Variants in BCAS3 observed in about 807,000 individuals in gnomAD.
BCAS3 encodes BCAS4/BCAS3 fusion.
BCAS3 carries 53 observed loss-of-function variants against 116.1 expected under a neutral mutation model. The ratio of observed to expected loss-of-function variants is 0.46; its 90% CI spans 0.37 to 0.57. The LOEUF (loss-of-function observed/expected upper bound fraction) is 0.57. Among genes scored for constraint, BCAS3 ranks in the 20% least tolerant of loss-of-function variants. The pLI, the probability that BCAS3 is intolerant of heterozygous loss-of-function variation, is 0.00. For missense variants in BCAS3, 917 were observed against 1,165.4 expected, an observed-to-expected ratio of 0.79 and a Z score of 3.10; for synonymous variants, 391 against 408.2, an observed-to-expected ratio of 0.96 and a Z score of 0.51.
intron 6 of BCAS3, among the ~76,000 whole-genome samples, chr17:60,771,206 A>G (rs984615812): frequency 2.0e-5 from 3 of 152,044 alleles, no homozygotes; most frequent in East Asian, 3.8e-4. Context: ...CTTTTACCAC[A>G]TCACATGATG....
chr17:60,812,512 G>A (rs1469456944), intron 7 of BCAS3, among the ~76,000 whole-genome samples: 2 of 152,170 alleles, frequency 1.3e-5, no homozygotes, highest in Non-Finnish European at 2.9e-5. Context: ...CAGGAGATGT[G>A]ATAGTTTTGT....
chr17:60,891,637 C>T (rs976348956), intron 10 of BCAS3: 7 of 453,114 alleles, frequency 1.5e-5, no homozygotes, highest in African/African-American at 1.2e-4. Context: ...ACTATAAAAT[C>T]TTAAGAAGCC....
At chr17:60,795,742 T>C (rs2047159166) in intron 6 of BCAS3, among the ~76,000 whole-genome samples, 1 of 152,172 alleles carries the variant, frequency 6.6e-6, no homozygotes, top group Non-Finnish European at 1.5e-5. Context: ...CAGGCTGGAG[T>C]GCAGTGCTGT....
intron 5 of BCAS3, among the ~76,000 whole-genome samples, chr17:60,742,291 C>CA (rs1444477439): frequency 2.6e-5 from 4 of 152,246 alleles, no homozygotes; most frequent in Admixed American, 2.0e-4. Context: ...CAGTCAAAGA[C>CA]AAAGTGTGGA....
intron 6 of BCAS3, among the ~76,000 whole-genome samples, chr17:60,769,203 T>C (rs1166873433): frequency 6.6e-6 from 1 of 152,076 alleles, no homozygotes; most frequent in African/African-American, 2.4e-5. Context: ...TTGGGCCCCT[T>C]GGTAGTGCAT....
intron 7 of BCAS3, among the ~76,000 whole-genome samples, chr17:60,863,538 G>A (rs1228938509): frequency 6.6e-6 from 1 of 151,752 alleles, no homozygotes; most frequent in African/African-American, 2.4e-5. Context: ...CTTGAAGCCA[G>A]GAGTTTAAGA....
intron 21 of BCAS3, among the ~76,000 whole-genome samples, chr17:61,081,237 A>T (rs934061448): frequency 6.6e-6 from 1 of 152,024 alleles, no homozygotes; most frequent in Admixed American, 6.6e-5. Flanking sequence ...TTTTCTAGTG[A>T]TTGACCAGCT....
rs907341007 is a variant in BCAS3 at position 61,173,267 on chromosome 17, C to G, written c.2425+88703C>G. On this transcript the variant is annotated intron_variant, in intron 22 of 23. Transcript: ENST00000407086. ...GGAGTTGACACCAGCCTGGCCAACA[C>G]TGAAATCCCATCTCTACTAAAAATA... Among the ~76,000 whole-genome samples, 18 of 151,800 alleles carry G rather than the reference C, an allele frequency of 1.2e-4. 1 individual carries two copies. Among genetic ancestry groups the G allele is most frequent in the African/African-American group, 4.1e-4 (17 of 41,332 alleles).
In BCAS3 at chr17:60,949,020, G is replaced by A. The variant is rs1402459644; in HGVS notation, c.1221+1668G>A. Among the ~76,000 whole-genome samples the A allele has an allele frequency of 2.0e-5, 3 of 151,932 alleles. No individual in the cohort carries two copies. In the East Asian group the frequency reaches 5.8e-4, roughly 29 times the overall value. ...GCATCCTGAGTAGCTGGGATTACAG[G>A]CATGTGCCACCACGCCTGGCTAATT... On this transcript the variant is annotated intron_variant, in intron 14 of 23. Coordinates refer to ENST00000407086, the MANE Select transcript of BCAS3 (RefSeq NM_017679.5).
At chr17:61,353,820 A>G (rs2058004202) in intron 22 of BCAS3, 1 of 152,312 alleles carries the variant, frequency 6.6e-6, no homozygotes, top group South Asian at 2.1e-4. Flanking sequence ...ATGCTCTGAC[A>G]TGTCAAGGCA....
chr17:60,781,898 T>C (rs1188856089), intron 6 of BCAS3, among the ~76,000 whole-genome samples: 1 of 152,220 alleles, frequency 6.6e-6, no homozygotes, highest in African/African-American at 2.4e-5. Flanking sequence ...GTTCTTTCTT[T>C]TATAATTCTG....
intron 16 of BCAS3, among the ~76,000 whole-genome samples, chr17:61,018,646 T>C (rs1443520016): frequency 6.6e-6 from 1 of 152,032 alleles, no homozygotes; most frequent in Non-Finnish European, 1.5e-5. Flanking sequence ...ATTCATATTC[T>C]CTCCCTCTGC....
intron 5 of BCAS3, among the ~76,000 whole-genome samples, chr17:60,723,718 T>C (rs1249631039): frequency 0.031 from 3,944 of 125,666 alleles, 133 homozygotes; most frequent in African/African-American, 0.11. Context: ...TTTCTTTTTT[T>C]TTTTTTTTTT....
At chr17:60,978,034 G>A (rs541644795) in intron 14 of BCAS3, among the ~76,000 whole-genome samples, 1 of 135,882 alleles carries the variant, frequency 7.4e-6, no homozygotes, top group South Asian at 2.2e-4. Flanking sequence ...GGATGGCTGG[G>A]TCAAATGGTA....
In BCAS3 at chr17:61,300,775, A is replaced by T. The variant is rs1602521939; in HGVS notation, c.2426-67552A>T. On this transcript the variant is annotated intron_variant, in intron 22 of 23. Coordinates refer to ENST00000407086, the MANE Select transcript of BCAS3 (RefSeq NM_017679.5). The surrounding 1 kb of genome is among the most constrained non-coding windows in gnomAD (Gnocchi z 5.1). ...TTTCATATCTGATTAGCTTCAATTG[A>T]CAATGTTTTCTACACTCTGATTTTG... Among the ~76,000 whole-genome samples, 1 of 152,108 alleles carries T rather than the reference A, an allele frequency of 6.6e-6. No individual in the cohort carries two copies. The highest frequency in any genetic ancestry group is 1.9e-4 in the East Asian group (1 of 5,186).
intron 6 of BCAS3, among the ~76,000 whole-genome samples, chr17:60,769,964 AG>A (rs1389158485): frequency 2.0e-5 from 3 of 151,676 alleles, no homozygotes; most frequent in African/African-American, 7.3e-5. Flanking sequence ...TAGTAGAGAC[AG>A]GGTTTCACCA....
chr17:60,774,090 C>T (rs1465690517), intron 6 of BCAS3, among the ~76,000 whole-genome samples: 1 of 152,204 alleles, frequency 6.6e-6, no homozygotes, highest in Admixed American at 6.5e-5. Flanking sequence ...TTTCCTTCCT[C>T]TGCATGGATT....
At position 61,105,617 on chromosome 17, in the gene BCAS3, G is replaced by A. The variant is rs2074596242; in HGVS notation, c.2425+21053G>A. Among the ~76,000 whole-genome samples, 1 of 152,000 alleles carries A rather than the reference G, an allele frequency of 6.6e-6. No homozygotes were observed. The highest frequency in any genetic ancestry group is 2.4e-5 in the African/African-American group (1 of 41,378). ...TTTTGTATTTTTTTTAGTATAGATG[G>A]GGTTTCTCCATGTTGGTCAGGCTGG... is the stretch of plus-strand genomic sequence containing the variant. On this transcript the variant is annotated intron_variant, in intron 22 of 23. Transcript: ENST00000407086. This position sits in a 1 kb window ranked among gnomAD's most constrained non-coding sequence, Gnocchi z 4.3.
In BCAS3 at chr17:61,349,089, C is replaced by T. The variant is rs189464096; in HGVS notation, c.2426-19238C>T. On this transcript the variant is annotated intron_variant, in intron 22 of 23. Transcript: ENST00000407086. The surrounding 1 kb of genome is among the most constrained non-coding windows in gnomAD (Gnocchi z 4.7). ...GATTCTTAAGGCTGGATTTGAGGAC[C>T]CGTGCTTTGGAGCAGTGGTTCCCAA... Among the ~76,000 whole-genome samples, 38 of 152,290 alleles carry T rather than the reference C, an allele frequency of 2.5e-4. No individual in the cohort carries two copies. Among genetic ancestry groups the T allele is most frequent in the Admixed American group, 2.1e-3 (32 of 15,300 alleles).
Sources: gnomAD v4.1 joint callset for allele counts (sites outside exome capture counted in the v4.1 genomes callset) on GRCh38, gnomAD v4.1.1 for gene constraint, Gnocchi (gnomAD v3.1) non-coding constraint, MANE v1.5 for transcripts, NCBI Gene and HGNC (gene_info 2026-07-23, HGNC 2026-07-21) for gene names.